Variants in SLC24A2 observed in about 807,000 individuals in gnomAD.
SLC24A2 encodes sodium/potassium/calcium exchanger 2.
Under a neutral mutation model 62.0 loss-of-function variants are expected in SLC24A2, and 36 were observed. The ratio of observed to expected loss-of-function variants is 0.58; its 90% CI spans 0.44 to 0.77. SLC24A2 has a LOEUF of 0.77. SLC24A2 is among the 30% of genes least tolerant of loss of function. SLC24A2 has a pLI of 0.00. For missense variants in SLC24A2, 846 were observed against 817.9 expected, an observed-to-expected ratio of 1.03 and a Z score of -0.42; for synonymous variants, 358 against 294.0, an observed-to-expected ratio of 1.22 and a Z score of -2.23.
At chr9:20,262,420 A>G in the SLC24A2 span, among the ~76,000 whole-genome samples, 9 of 152,322 alleles carry the variant, frequency 5.9e-5, no homozygotes, top group African/African-American at 1.9e-4. Flanking sequence ...TTGCCCAATA[A>G]AGGAAAGTGG....
At chr9:19,759,254 T>G (rs1822239353) in intron 2 of SLC24A2, among the ~76,000 whole-genome samples, 1 of 152,192 alleles carries the variant, frequency 6.6e-6, no homozygotes, top group African/African-American at 2.4e-5. Flanking sequence ...TTGTTTTGAA[T>G]TTCTACAACC....
the SLC24A2 span, among the ~76,000 whole-genome samples, chr9:20,155,618 A>G: frequency 6.6e-6 from 1 of 151,872 alleles, no homozygotes; most frequent in South Asian, 2.1e-4. Context: ...AAAATCATAC[A>G]ATAAATGATA....
At chr9:20,003,591 T>C in the SLC24A2 span, among the ~76,000 whole-genome samples, 1 of 152,072 alleles carries the variant, frequency 6.6e-6, no homozygotes, top group African/African-American at 2.4e-5. Context: ...TATGATTAAA[T>C]AAATTATAGA....
intron 5 of SLC24A2, among the ~76,000 whole-genome samples, chr9:19,596,669 G>A (rs1454384453): frequency 6.6e-6 from 1 of 152,150 alleles, no homozygotes; most frequent in East Asian, 1.9e-4. Context: ...CAATGCTACT[G>A]GATGGAATGG....
At chr9:19,685,034 G>A (rs1426071313) in intron 2 of SLC24A2, among the ~76,000 whole-genome samples, 2 of 152,044 alleles carry the variant, frequency 1.3e-5, no homozygotes, top group East Asian at 3.9e-4. Flanking sequence ...AAAATCACTA[G>A]CATTTCTGTA....
chr9:20,022,964 G>A, the SLC24A2 span, among the ~76,000 whole-genome samples: 1 of 152,168 alleles, frequency 6.6e-6, no homozygotes, highest in African/African-American at 2.4e-5. Flanking sequence ...TGAAGAAGGT[G>A]GGGATCTGGA....
the SLC24A2 span, among the ~76,000 whole-genome samples, chr9:19,944,533 T>C: frequency 9.2e-5 from 14 of 151,950 alleles, no homozygotes; most frequent in Non-Finnish European, 2.1e-4. Context: ...AATGGTTTAA[T>C]ATAGGTTTGA....
the SLC24A2 span, among the ~76,000 whole-genome samples, chr9:19,892,364 G>C: frequency 1.3e-5 from 2 of 152,140 alleles, no homozygotes; most frequent in Admixed American, 1.3e-4. Flanking sequence ...TTATTTCAGT[G>C]TTTTGTGTCT....
chr9:20,051,657 C>CTTTGTTTTTTTTTT, the SLC24A2 span, among the ~76,000 whole-genome samples: 1 of 73,514 alleles, frequency 1.4e-5, no homozygotes, highest in African/African-American at 6.1e-5. Flanking sequence ...TTTTCTTTCT[C>CTTTGTTTTTTTTTT]TTTTTTTTTT....
chr9:19,983,225 A>T, the SLC24A2 span, among the ~76,000 whole-genome samples: 1 of 152,198 alleles, frequency 6.6e-6, no homozygotes, highest in Non-Finnish European at 1.5e-5. Context: ...AACTATCTCT[A>T]TTCACAGATG....
At chr9:19,792,177 C>T (rs1295842650), upstream of SLC24A2, among the ~76,000 whole-genome samples, 1 of 152,138 alleles carries the variant, frequency 6.6e-6, no homozygotes. Flanking sequence ...TATCCCCTTG[C>T]CCCATCTGAA....
the SLC24A2 span, among the ~76,000 whole-genome samples, chr9:19,997,234 G>C: frequency 1.3e-5 from 2 of 152,078 alleles, no homozygotes; most frequent in East Asian, 3.9e-4. Flanking sequence ...GCAATAATCA[G>C]ACTAGGTGTG....
chr9:19,532,494 T>C (rs534034953), intron 8 of SLC24A2, among the ~76,000 whole-genome samples: 42 of 152,260 alleles, frequency 2.8e-4, no homozygotes, highest in Non-Finnish European at 5.0e-4. Flanking sequence ...TCTGTATTTT[T>C]TACTGTTGTA....
At chr9:20,239,877 CTTTT>C in the SLC24A2 span, among the ~76,000 whole-genome samples, 15 of 144,018 alleles carry the variant, frequency 1.0e-4, no homozygotes, top group Admixed American at 1.4e-4. Flanking sequence ...TGCCTTCTGG[CTTTT>C]TTTTTTTTTT....
the SLC24A2 span, among the ~76,000 whole-genome samples, chr9:19,922,038 T>C: frequency 1.3e-5 from 2 of 152,192 alleles, no homozygotes; most frequent in Non-Finnish European, 2.9e-5. Context: ...ATTCATCTAC[T>C]TCTGTTCATG....
the SLC24A2 span, among the ~76,000 whole-genome samples, chr9:19,794,196 T>G: frequency 3.0e-4 from 46 of 152,240 alleles, no homozygotes; most frequent in Non-Finnish European, 5.6e-4. Flanking sequence ...AAGTGATGAA[T>G]GCCTATTATT....
the SLC24A2 span, among the ~76,000 whole-genome samples, chr9:19,935,573 C>T: frequency 1.7e-3 from 260 of 152,342 alleles, no homozygotes; most frequent in African/African-American, 5.9e-3. Flanking sequence ...AGCTGAGTGG[C>T]TGCCTGATTA....
At chr9:19,585,544 TG>T (rs1836348429) in intron 5 of SLC24A2, among the ~76,000 whole-genome samples, 1 of 152,226 alleles carries the variant, frequency 6.6e-6, no homozygotes, top group Non-Finnish European at 1.5e-5. Context: ...TGTGTGCTTA[TG>T]GCTACTAAGA....
chr9:20,202,631 G>A, the SLC24A2 span, among the ~76,000 whole-genome samples: 5 of 152,144 alleles, frequency 3.3e-5, no homozygotes, highest in Admixed American at 1.3e-4. Flanking sequence ...TGGTGGCTTA[G>A]AGCTCACAGT....
Sources: gnomAD v4.1 joint callset for allele counts (sites outside exome capture counted in the v4.1 genomes callset) on GRCh38, gnomAD v4.1.1 for gene constraint, MANE v1.5 for transcripts, NCBI Gene and HGNC (gene_info 2026-07-23, HGNC 2026-07-21) for gene names.